The following RANBP17 variants were observed in gnomAD, a reference collection of about 807,000 sequenced individuals.
The protein encoded by RANBP17 is ran-binding protein 17.
Under a neutral mutation model 141.2 loss-of-function variants are expected in RANBP17, and 158 were observed. The ratio of observed to expected loss-of-function variants is 1.12; its 90% CI spans 0.98 to 1.28. The LOEUF is 1.28. Among genes scored for constraint, RANBP17 ranks in the 50% most tolerant of loss-of-function variants. The pLI is 0.00. For synonymous variants in RANBP17, 430 were observed against 450.0 expected (o/e 0.96, Z 0.56); for missense variants, 1,438 against 1,290.7 (o/e 1.11, Z -1.75).
intron 13 of RANBP17, among the ~76,000 whole-genome samples, chr5:170,963,536 T>C (rs1381867906): frequency 6.6e-6 from 1 of 152,222 alleles, no homozygotes; most frequent in Admixed American, 6.5e-5. Flanking sequence ...GGTTTTTCCA[T>C]GGACCGGGGC....
Position 171,188,669 on chromosome 5 carries a change from A to G in RANBP17, c.2038+5239A>G, listed in dbSNP as rs552172657. Among the ~76,000 whole-genome samples, 78 of 152,268 alleles carry G rather than the reference A, an allele frequency of 5.1e-4. 1 individual carries two copies. The highest frequency in any genetic ancestry group is 7.7e-4 in the East Asian group (4 of 5,188). On this transcript the variant is annotated intron_variant, in intron 18 of 27. Coordinates refer to ENST00000523189, the MANE Select transcript of RANBP17 (RefSeq NM_022897.5). ...TTAAAACTAGGTCCGTGTCACTCAC[A>G]TTTTCAGAACCTGGAAATGGAATGG...
intron 27 of RANBP17, among the ~76,000 whole-genome samples, chr5:171,296,938 TA>T (rs1456216256): frequency 6.6e-6 from 1 of 152,224 alleles, no homozygotes; most frequent in Non-Finnish European, 1.5e-5. Context: ...AAATTAAAAT[TA>T]AAAGTTTTTA....
At chr5:171,287,571 CTT>C (rs1018309839) in intron 25 of RANBP17, among the ~76,000 whole-genome samples, 7 of 145,014 alleles carry the variant, frequency 4.8e-5, no homozygotes, top group African/African-American at 2.5e-5. Flanking sequence ...TCTGATCATC[CTT>C]TTTTTTTTTT....
chr5:170,993,424 G>A (rs1384162068), intron 14 of RANBP17, among the ~76,000 whole-genome samples: 1 of 151,936 alleles, frequency 6.6e-6, no homozygotes, highest in Non-Finnish European at 1.5e-5. Flanking sequence ...TATTTTTAAA[G>A]AAAAGTACTT....
rs1173697219 is a variant in RANBP17, at chr5:171,220,441, CTTTTTTTTTTTTT to C, written c.2340-1304_2340-1292del. Among the ~76,000 whole-genome samples, 8 of 73,034 alleles carry C rather than the reference CTTTTTTTTTTTTT, an allele frequency of 1.1e-4. 1 individual carries two copies. The East Asian group carries it at 1.2e-3, about 11-fold the overall frequency. 47.9% of individuals were successfully genotyped at this position (73,034 alleles called of 152,430 possible). A position where few individuals can be genotyped will look rare whatever the true frequency, so the allele number is the denominator to read the frequency against. ...CATCTTGGTCCCTCCCCAGATGATT[CTTTTTTTTTTTTT>C]TTTTTTTTTTTTGAGACAGAGTCTC... On this transcript the variant is annotated intron_variant, in intron 21 of 27. Coordinates refer to ENST00000523189, the MANE Select transcript of RANBP17 (RefSeq NM_022897.5).
intron 22 of RANBP17, among the ~76,000 whole-genome samples, chr5:171,232,768 T>C (rs764125535): frequency 1.3e-5 from 2 of 152,220 alleles, no homozygotes; most frequent in Non-Finnish European, 2.9e-5. Flanking sequence ...TTTTTATTTA[T>C]ATTATGGTCA....
chr5:171,091,827 C>T (rs1174572338), intron 14 of RANBP17, among the ~76,000 whole-genome samples: 2 of 152,174 alleles, frequency 1.3e-5, no homozygotes, highest in Non-Finnish European at 2.9e-5. Context: ...TGTGAGGCCT[C>T]CTCAGCCACA....
At chr5:170,921,500 A>G (rs1217844552) in intron 11 of RANBP17, among the ~76,000 whole-genome samples, 1 of 152,082 alleles carries the variant, frequency 6.6e-6, no homozygotes, top group Non-Finnish European at 1.5e-5. Flanking sequence ...GCCTTGTAGT[A>G]TAGTTTGAAG....
At chr5:171,075,745 C>T (rs184605427) in intron 14 of RANBP17, among the ~76,000 whole-genome samples, 2 of 152,158 alleles carry the variant, frequency 1.3e-5, no homozygotes, top group Non-Finnish European at 2.9e-5. Flanking sequence ...TTGAGTCCAG[C>T]AGTTTGAGAC....
intron 2 of RANBP17, 27 bp from the exon 3 acceptor site, chr5:170,881,779 A>G (rs1310822641): frequency 7.2e-7 from 1 of 1,383,416 alleles, no homozygotes; most frequent in African/African-American, 1.5e-5. Context: ...CATTTATGAT[A>G]ATAATAAATA....
At chr5:170,996,922 G>A (rs1423308448) in intron 14 of RANBP17, among the ~76,000 whole-genome samples, 1 of 152,106 alleles carries the variant, frequency 6.6e-6, no homozygotes, top group African/African-American at 2.4e-5. Flanking sequence ...GTCTAGAAAG[G>A]TGATTAAACA....
Position 171,252,926 on chromosome 5 carries a change from C to T in RANBP17, c.2776+10106C>T. The T allele has an allele frequency of 8.2e-6, 12 of 1,467,490 alleles. 2 individuals carry two copies. The South Asian group carries it at 1.4e-4, about 17-fold the overall frequency. 90.9% of individuals were successfully genotyped at this position (1,467,490 alleles called of 1,614,324 possible). ...GCTATTGAAGAAGTCTACGGGCTGA[C>T]ATCAGATATCTCAAAGAACTCTGAG... is the stretch of plus-strand genomic sequence containing the variant. On this transcript the variant is annotated intron_variant, in intron 24 of 27. Coordinates refer to ENST00000523189, the MANE Select transcript of RANBP17 (RefSeq NM_022897.5).
intron 13 of RANBP17, among the ~76,000 whole-genome samples, chr5:170,966,968 C>G (rs960661882): frequency 5.9e-5 from 9 of 152,080 alleles, no homozygotes; most frequent in African/African-American, 1.9e-4. Flanking sequence ...AATAAAATAC[C>G]TAGGGATCCA....
chr5:171,149,568 G>A (rs147746545), intron 14 of RANBP17, among the ~76,000 whole-genome samples: 3 of 152,166 alleles, frequency 2.0e-5, no homozygotes, highest in Non-Finnish European at 4.4e-5. Context: ...GTAAAGACAC[G>A]CTATGATTGC....
chr5:171,034,216 C>G (rs1781728480), intron 14 of RANBP17, among the ~76,000 whole-genome samples: 1 of 152,096 alleles, frequency 6.6e-6, no homozygotes, highest in African/African-American at 2.4e-5. Flanking sequence ...AATACTTTGC[C>G]AAAGCAATAG....
intron 20 of RANBP17, among the ~76,000 whole-genome samples, chr5:171,213,349 G>A (rs1763021223): frequency 6.6e-6 from 1 of 152,072 alleles, no homozygotes; most frequent in Non-Finnish European, 1.5e-5. Flanking sequence ...CTTTAAAAAT[G>A]TGTATTTTAT....
At chr5:171,197,905 G>A (rs1254417233) in intron 18 of RANBP17, among the ~76,000 whole-genome samples, 1 of 152,170 alleles carries the variant, frequency 6.6e-6, no homozygotes. Context: ...CGGGCGTTGT[G>A]GCAGGCGCCT....
intron 14 of RANBP17, among the ~76,000 whole-genome samples, chr5:171,098,818 G>A (rs1786903126): frequency 6.6e-6 from 1 of 152,114 alleles, no homozygotes; most frequent in African/African-American, 2.4e-5. Flanking sequence ...TTTTGTATAA[G>A]GTGTAAGGAA....
At chr5:170,911,446 C>A (rs939969901) in intron 7 of RANBP17, 4 of 646,428 alleles carry the variant, frequency 6.2e-6, no homozygotes, top group Non-Finnish European at 1.1e-5. Context: ...CAGAGTGGGA[C>A]AGGATCCCAC....
Sources: allele counts gnomAD v4.1 joint callset (sites outside exome capture counted in the v4.1 genomes callset), GRCh38; gene constraint gnomAD v4.1.1; transcripts MANE v1.5; gene names NCBI Gene and HGNC (gene_info 2026-07-23, HGNC 2026-07-21).